IL15: variants seen among roughly 807,000 people sequenced by gnomAD.
IL15 encodes interleukin-15.
In IL15, 11 loss-of-function variants were observed where a neutral mutation model predicts 19.6. That is an observed-to-expected ratio of 0.56 (90% CI 0.35 to 0.93). IL15 has a LOEUF of 0.93. Ranked by LOEUF, IL15 falls within the 40% of genes least tolerant of loss-of-function variation. IL15 has a pLI of 0.01. For synonymous variants in IL15, 58 were observed against 59.6 expected, an observed-to-expected ratio of 0.97 and a Z score of 0.12; for missense variants, 197 against 186.5, an observed-to-expected ratio of 1.06 and a Z score of -0.33.
At chr4:141,651,097 C>A (rs115374612) in intron 1 of IL15, among the ~76,000 whole-genome samples, 324 of 151,942 alleles carry the variant, frequency 2.1e-3, no homozygotes, top group African/African-American at 7.0e-3. Context: ...ATGAACACTT[C>A]CACCATTATT....
intron 2 of IL15, among the ~76,000 whole-genome samples, chr4:141,710,124 A>G (rs1246315872): frequency 6.6e-6 from 1 of 152,192 alleles, no homozygotes; most frequent in Non-Finnish European, 1.5e-5. Flanking sequence ...AGGTGTATAT[A>G]TACCACATTT....
chr4:141,666,468 A>G (rs563290706), intron 2 of IL15, among the ~76,000 whole-genome samples: 1 of 152,154 alleles, frequency 6.6e-6, no homozygotes, highest in South Asian at 2.1e-4. Context: ...TGATCCTCCC[A>G]TCTCAACCTC....
chr4:141,670,721 A>G (rs1728145266), intron 2 of IL15, among the ~76,000 whole-genome samples: 1 of 152,200 alleles, frequency 6.6e-6, no homozygotes, highest in Non-Finnish European at 1.5e-5. Context: ...ATAGAGTATT[A>G]CTTTCATATA....
intron 2 of IL15, among the ~76,000 whole-genome samples, chr4:141,678,682 A>G (rs906222735): frequency 6.6e-6 from 1 of 150,758 alleles, no homozygotes; most frequent in South Asian, 2.1e-4. Context: ...GCTCACTGCA[A>G]CCTCTGCCTC....
chr4:141,716,551 A>G (rs1035279689), intron 2 of IL15: 3 of 152,444 alleles, frequency 2.0e-5, no homozygotes, highest in Non-Finnish European at 2.9e-5. Flanking sequence ...TCAAAAGATG[A>G]TGCTGACTTA....
At chr4:141,679,134 A>G (rs1434517303) in intron 2 of IL15, among the ~76,000 whole-genome samples, 1 of 152,202 alleles carries the variant, frequency 6.6e-6, no homozygotes, top group East Asian at 1.9e-4. Context: ...ATTGTGTATG[A>G]AACAAAGTCC....
chr4:141,729,286 T>C (rs1357846061), intron 6 of IL15, among the ~76,000 whole-genome samples: 1 of 152,160 alleles, frequency 6.6e-6, no homozygotes, highest in African/African-American at 2.4e-5. Context: ...TTAAAGTAAA[T>C]GTTGTGGAAA....
chr4:141,680,557 G>GT (rs1236078234), intron 2 of IL15, among the ~76,000 whole-genome samples: 1 of 152,144 alleles, frequency 6.6e-6, no homozygotes, highest in African/African-American at 2.4e-5. Flanking sequence ...GTCTTTATGG[G>GT]TTGCCACCCT....
chr4:141,732,702 T>C (rs1344927600), intron 7 of IL15, 36 bp from the exon 8 acceptor site: 4 of 1,601,988 alleles, frequency 2.5e-6, no homozygotes, highest in Non-Finnish European at 2.5e-6. Context: ...AATTTAATTA[T>C]AAATTGCCAA....
At chr4:141,722,511 A>C (rs1257239103) in intron 5 of IL15, among the ~76,000 whole-genome samples, 2 of 152,222 alleles carry the variant, frequency 1.3e-5, no homozygotes, top group Non-Finnish European at 2.9e-5. Context: ...AGCATTAAAA[A>C]ATAGGTTAGA....
chr4:141,706,440 G>A (rs1729517484), intron 2 of IL15, among the ~76,000 whole-genome samples: 1 of 151,934 alleles, frequency 6.6e-6, no homozygotes, highest in Admixed American at 6.6e-5. Flanking sequence ...CATACTAGAG[G>A]ATTAAAAGAT....
intron 6 of IL15, 132 bp from the exon 7 acceptor site, chr4:141,729,715 A>G (rs12508335): frequency 0.49 from 268,562 of 547,488 alleles, 66,603 homozygotes; most frequent in South Asian, 0.57. Flanking sequence ...GCTGCCTCCT[A>G]TGTAAAATTT....
At chr4:141,657,253 A>G (rs547473021) in intron 2 of IL15, among the ~76,000 whole-genome samples, 2 of 152,290 alleles carry the variant, frequency 1.3e-5, no homozygotes, top group South Asian at 4.1e-4. Flanking sequence ...GCCCCTTAAG[A>G]TGGATAAATT....
intron 5 of IL15, among the ~76,000 whole-genome samples, chr4:141,723,798 G>A (rs1426816940): frequency 1.3e-5 from 2 of 152,140 alleles, no homozygotes; most frequent in Non-Finnish European, 1.5e-5. Flanking sequence ...AAAACATAAT[G>A]TTCTTAAATG....
intron 5 of IL15, among the ~76,000 whole-genome samples, chr4:141,726,076 G>T (rs1730253171): frequency 6.6e-6 from 1 of 152,050 alleles, no homozygotes; most frequent in African/African-American, 2.4e-5. Flanking sequence ...CCATTCATGA[G>T]GGCAGAGCCA....
chr4:141,638,728 A>G (rs574646609), intron 1 of IL15, among the ~76,000 whole-genome samples: 130 of 152,244 alleles, frequency 8.5e-4, no homozygotes, highest in African/African-American at 3.0e-3. Flanking sequence ...CCTACGGGAT[A>G]CTCCATCTCA....
chr4:141,699,767 G>T (rs1004170772), intron 2 of IL15, among the ~76,000 whole-genome samples: 1 of 152,034 alleles, frequency 6.6e-6, no homozygotes, highest in African/African-American at 2.4e-5. Flanking sequence ...GTTAGTGGCT[G>T]TTTTATCCAT....
intron 2 of IL15, among the ~76,000 whole-genome samples, chr4:141,700,063 C>A (rs1729233188): frequency 6.6e-6 from 1 of 151,946 alleles, no homozygotes; most frequent in South Asian, 2.1e-4. Context: ...GGATTACAAG[C>A]ACCCACCACC....
chr4:141,692,798 T>C (rs888991715), intron 2 of IL15, among the ~76,000 whole-genome samples: 1 of 151,872 alleles, frequency 6.6e-6, no homozygotes, highest in African/African-American at 2.4e-5. Context: ...GTTCCAAACT[T>C]TTTCACATCT....
Sources: gnomAD v4.1 joint callset for allele counts (sites outside exome capture counted in the v4.1 genomes callset) on GRCh38, gnomAD v4.1.1 for gene constraint, MANE v1.5 for transcripts, NCBI Gene and HGNC (gene_info 2026-07-23, HGNC 2026-07-21) for gene names.